PRELID2: variants seen among roughly 807,000 people sequenced by gnomAD.
PRELID2 encodes the protein PRELI domain containing 2.
PRELID2 carries 25 observed loss-of-function variants against 28.4 expected under a neutral mutation model. That is an observed-to-expected ratio of 0.88 (90% CI 0.64 to 1.23). The LOEUF (loss-of-function observed/expected upper bound fraction) is 1.23. Among genes scored for constraint, PRELID2 ranks in the 50% most tolerant of loss-of-function variants. PRELID2 has a pLI of 0.00. For missense variants in PRELID2, 201 were observed against 214.4 expected, an observed-to-expected ratio of 0.94 and a Z score of 0.39; for synonymous variants, 76 against 71.6, an observed-to-expected ratio of 1.06 and a Z score of -0.31.
intron 2 of PRELID2, among the ~76,000 whole-genome samples, 159 bp downstream of exon 2, chr5:145,822,918 T>C (rs1014478503): frequency 9.2e-5 from 14 of 152,100 alleles, no homozygotes; most frequent in Admixed American, 2.6e-4. Context: ...TCACCTCAAG[T>C]ACAGAAATAT....
the PRELID2 span, among the ~76,000 whole-genome samples, chr5:145,382,609 T>C: frequency 6.6e-6 from 1 of 152,004 alleles, no homozygotes; most frequent in Non-Finnish European, 1.5e-5. Flanking sequence ...CATCCAGCAT[T>C]TTTTCTAGCA....
At position 145,613,288 on chromosome 5, in the gene PRELID2, TTTTA is replaced by T. The variant is rs532910614; in HGVS notation, n.71-139977_71-139974del. On this transcript the variant is annotated intron_variant and non_coding_transcript_variant, in intron 1 of 2. Coordinates refer to the PRELID2 transcript ENST00000510259. Reference sequence around the variant, plus strand: ...CTATTTGTATATCTTCTTTTTTTATTTTTATTTATTTATTTTTTTATTATACTTT... The same window carrying T: ...CTATTTGTATATCTTCTTTTTTTATTTTTATTTATTTTTTTATTATACTTT... Among the ~76,000 whole-genome samples the T allele has an allele frequency of 2.5e-3, 377 of 152,130 alleles. 2 individuals carry two copies. The highest frequency in any genetic ancestry group is 8.5e-3 in the African/African-American group (355 of 41,530).
the PRELID2 span, among the ~76,000 whole-genome samples, chr5:145,358,121 C>T: frequency 6.6e-6 from 1 of 152,018 alleles, no homozygotes. Flanking sequence ...GCAGACAGGC[C>T]ATATCCTTGC....
the PRELID2 span, among the ~76,000 whole-genome samples, chr5:145,340,313 C>T: frequency 1.3e-5 from 2 of 152,164 alleles, no homozygotes; most frequent in Non-Finnish European, 2.9e-5. Flanking sequence ...ACAGTCACCA[C>T]CAACATAGCA....
chr5:145,256,637 C>A, the PRELID2 span, among the ~76,000 whole-genome samples: 1 of 152,072 alleles, frequency 6.6e-6, no homozygotes, highest in Non-Finnish European at 1.5e-5. Context: ...CCATAAATCT[C>A]AGCAAATCCC....
intron 1 of PRELID2, among the ~76,000 whole-genome samples, chr5:145,734,641 C>A (rs888117490): frequency 2.0e-5 from 3 of 152,198 alleles, no homozygotes; most frequent in Non-Finnish European, 2.9e-5. Flanking sequence ...GCCAGCCAAT[C>A]TCTTAATCCA....
intron 1 of PRELID2, among the ~76,000 whole-genome samples, chr5:145,477,124 T>C (rs916383025): frequency 6.6e-6 from 1 of 152,194 alleles, no homozygotes; most frequent in African/African-American, 2.4e-5. Flanking sequence ...AAACTCCAGA[T>C]CTACCTCCAA....
intron 1 of PRELID2, among the ~76,000 whole-genome samples, chr5:145,608,693 T>TG (rs1377041461): frequency 6.6e-6 from 1 of 152,182 alleles, no homozygotes; most frequent in Non-Finnish European, 1.5e-5. Context: ...ATTTCAACCT[T>TG]GGAGAATCTG....
intron 1 of PRELID2, among the ~76,000 whole-genome samples, chr5:145,735,047 C>T (rs1756454768): frequency 6.6e-6 from 1 of 151,660 alleles, no homozygotes; most frequent in Admixed American, 6.6e-5. Context: ...GAATTCGAGA[C>T]CAGCCTGGCC....
At chr5:145,733,707 A>G (rs1291366871) in intron 1 of PRELID2, among the ~76,000 whole-genome samples, 1 of 152,226 alleles carries the variant, frequency 6.6e-6, no homozygotes, top group African/African-American at 2.4e-5. Flanking sequence ...GTCTTTCAAA[A>G]GCAAGAAAGT....
intron 1 of PRELID2, among the ~76,000 whole-genome samples, chr5:145,743,586 C>T (rs1756900592): frequency 9.9e-6 from 1 of 100,634 alleles, no homozygotes; most frequent in South Asian, 3.6e-4. Context: ...CACCAGAAAG[C>T]CACACGGGGA....
chr5:145,590,197 T>C (rs898535061), intron 1 of PRELID2, among the ~76,000 whole-genome samples: 1 of 152,158 alleles, frequency 6.6e-6, no homozygotes, highest in Non-Finnish European at 1.5e-5. Flanking sequence ...GTTTGTTCCT[T>C]CTTTCTGGTC....
the PRELID2 span, among the ~76,000 whole-genome samples, chr5:145,272,084 A>ATT: frequency 0.067 from 10,018 of 150,210 alleles, 1,002 homozygotes; most frequent in African/African-American, 0.22. Flanking sequence ...ATGGCAACAT[A>ATT]TTTTTTTTTT....
the PRELID2 span, among the ~76,000 whole-genome samples, chr5:145,312,473 T>G: frequency 6.6e-6 from 1 of 152,202 alleles, no homozygotes; most frequent in East Asian, 1.9e-4. Context: ...AAGTGAAACT[T>G]TGATCCCTTC....
chr5:145,327,761 G>C, the PRELID2 span, among the ~76,000 whole-genome samples: 3 of 150,822 alleles, frequency 2.0e-5, no homozygotes, highest in Non-Finnish European at 1.5e-5. Context: ...CTTTACTTTT[G>C]TGTATCTACT....
intron 3 of PRELID2, chr5:145,819,495 TAC>T: frequency 1.1e-6 from 1 of 877,678 alleles, no homozygotes; most frequent in South Asian, 1.5e-5. Context: ...CATAAAGACT[TAC>T]AGAGGGTGTG....
At chr5:145,509,912 G>A (rs1272668550) in intron 1 of PRELID2, among the ~76,000 whole-genome samples, 3 of 152,128 alleles carry the variant, frequency 2.0e-5, no homozygotes, top group East Asian at 3.9e-4. Flanking sequence ...TATTTCCAAA[G>A]TTCAGAGCAG....
chr5:145,292,874 AT>A, the PRELID2 span, among the ~76,000 whole-genome samples: 335 of 151,862 alleles, frequency 2.2e-3, 2 homozygotes, highest in African/African-American at 7.8e-3. Flanking sequence ...CACCATGCTA[AT>A]TTTTTTTATT....
At chr5:145,470,018 GCTAAATGT>G (rs767721782), downstream of PRELID2, among the ~76,000 whole-genome samples, 336 of 152,186 alleles carry the variant, frequency 2.2e-3, no homozygotes, top group Non-Finnish European at 3.8e-3. Flanking sequence ...ATGAAAACCT[GCTAAATGT>G]CTATTAATCA....
Sources: gnomAD v4.1 joint callset for allele counts (sites outside exome capture counted in the v4.1 genomes callset) on GRCh38, gnomAD v4.1.1 for gene constraint, MANE v1.5 for transcripts, NCBI Gene and HGNC (gene_info 2026-07-23, HGNC 2026-07-21) for gene names.